Variants in ZNF469 observed in about 807,000 individuals in gnomAD.
The protein encoded by ZNF469 is zinc finger protein 469.
ZNF469 carries 1 observed loss-of-function variant against 1.0 expected under a neutral mutation model. The ratio of observed to expected loss-of-function variants is 1.00; its 90% CI spans 0.35 to 4.73. The LOEUF (loss-of-function observed/expected upper bound fraction) is 4.73. Ranked by LOEUF, ZNF469 falls within the 30% of genes most tolerant of loss-of-function variation. The pLI is 0.16. For synonymous variants in ZNF469, 2,703 were observed against 2,363.4 expected (o/e 1.14, Z -4.17); for missense variants, 6,100 against 5,356.3 (o/e 1.14, Z -4.33).
rs745853380 is a variant in ZNF469, at chr16:88,437,934, G to A, written c.10464G>A (p.Glu3488=). 6.5e-7 allele frequency: 1 copy of A among 1,541,880 alleles called. No homozygotes were observed. Among genetic ancestry groups the A allele is most frequent in the African/African-American group, 1.4e-5 (1 of 72,884 alleles). The part of the protein sequence containing the change: ...AMPGSAPGPG[E]DRPPPRGSSP... Reference sequence around the variant, plus strand: ...CCGGCAGTGCCCCTGGGCCCGGCGAGGACAGGCCTCCTCCCCGGGGAAGCA... The same window carrying A: ...CCGGCAGTGCCCCTGGGCCCGGCGAAGACAGGCCTCCTCCCCGGGGAAGCA... Residue 3488 remains glutamate, a synonymous_variant, in exon 3 of 3, where the codon GAG becomes GAA. Coordinates refer to ENST00000565624, the MANE Select transcript of ZNF469 (RefSeq NM_001367624.2).
rs1182687621 is a variant in ZNF469, at chr16:88,432,385, G to A, written c.4915G>A (p.Gly1639Ser). The A allele has an allele frequency of 6.5e-6, 10 of 1,549,134 alleles. No homozygotes were observed. The East Asian group carries it at 1.7e-4, about 27-fold the overall frequency. ...RVGESTAHRE[G>S]AESAVATVEA... ...TGGAGAATCCACTGCACATCGGGAGGGTGCGGAATCGGCTGTGGCCACCGT... is the reference window on the plus strand; with the variant it reads ...TGGAGAATCCACTGCACATCGGGAGAGTGCGGAATCGGCTGTGGCCACCGT... The change falls in exon 3 of 3, where the codon GGT (glycine) becomes AGT (serine). Residue 1639 changes from glycine to serine, a missense_variant. Gly to Ser is a moderately conservative substitution (Grantham distance 56). Transcript: ENST00000565624.
At chr16:88,381,270 A>G (rs1445475119), upstream of ZNF469, among the ~76,000 whole-genome samples, 1 of 149,906 alleles carries the variant, frequency 6.7e-6, no homozygotes, top group Non-Finnish European at 1.5e-5. Flanking sequence ...ACTCACACAG[A>G]CATGCACTCA....
At chr16:88,330,257 G>C in the ZNF469 span, among the ~76,000 whole-genome samples, 3 of 152,254 alleles carry the variant, frequency 2.0e-5, no homozygotes, top group Non-Finnish European at 4.4e-5. Flanking sequence ...TGAGTGTTGT[G>C]TGGGTGTCCT....
At chr16:88,146,372 C>G in the ZNF469 span, among the ~76,000 whole-genome samples, 1 of 152,274 alleles carries the variant, frequency 6.6e-6, no homozygotes, top group Admixed American at 6.5e-5. Flanking sequence ...TCAAAGCCAC[C>G]TGTGTTCTCT....
At position 88,435,044 on chromosome 16, in the gene ZNF469, C is replaced by G. The variant is rs756003807; in HGVS notation, c.7574C>G (p.Pro2525Arg). 1.3e-6 allele frequency: 2 copies of G among 1,550,276 alleles called. No individual in the cohort carries two copies. The highest frequency in any genetic ancestry group is 1.4e-5 in the African/African-American group (1 of 73,060). The change falls in exon 3 of 3, where the codon CCG (proline) becomes CGG (arginine). Residue 2525 changes from proline (P) to arginine (R), a missense_variant. Pro to Arg is a moderately radical substitution (Grantham distance 103). Transcript: ENST00000565624. ...GAGCCCCTAGCCCAAAAGTGCCAGC[C>G]GCCCAGGAAGAAAAGCCACAGGGTG... ...PLEPLAQKCQ[P>R]PRKKSHRVSG... is the part of the protein sequence containing the mutation.
the ZNF469 span, among the ~76,000 whole-genome samples, chr16:88,181,221 C>T: frequency 6.6e-5 from 10 of 152,292 alleles, no homozygotes; most frequent in African/African-American, 2.4e-4. Flanking sequence ...CAGGCGCCCG[C>T]CACCACGCCT....
the ZNF469 span, among the ~76,000 whole-genome samples, chr16:88,299,728 G>T: frequency 3.3e-5 from 5 of 152,140 alleles, no homozygotes; most frequent in Non-Finnish European, 7.4e-5. Context: ...ATTTGGGTGG[G>T]CTCTGCCTCT....
the ZNF469 span, among the ~76,000 whole-genome samples, chr16:88,373,870 G>A: frequency 2.0e-5 from 3 of 152,158 alleles, no homozygotes; most frequent in Admixed American, 6.5e-5. Flanking sequence ...GGTGGTGCAC[G>A]CCTGTAATCC....
rs113595052 is a variant in ZNF469, at chr16:88,415,215, C to T, written c.-191-9592C>T. Among the ~76,000 whole-genome samples the T allele has an allele frequency of 3.2e-3, 483 of 152,276 alleles. 4 individuals are homozygous for T. Among genetic ancestry groups the T allele is most frequent in the African/African-American group, 0.011 (450 of 41,544 alleles). ...ACCACCCGGAACATCAGGGACCCTCCGGGATCTCAGGATCTGTCAGGCCAG... is the reference window on the plus strand; with the variant it reads ...ACCACCCGGAACATCAGGGACCCTCTGGGATCTCAGGATCTGTCAGGCCAG... On this transcript the variant is annotated intron_variant, in intron 1 of 2. Coordinates refer to ENST00000565624, the MANE Select transcript of ZNF469 (RefSeq NM_001367624.2).
At chr16:88,407,466 C>G (rs1905054251) in intron 1 of ZNF469, among the ~76,000 whole-genome samples, 2 of 152,252 alleles carry the variant, frequency 1.3e-5, no homozygotes, top group Non-Finnish European at 2.9e-5. Context: ...TAATTGAGTA[C>G]CCTGCCTGAT....
chr16:88,233,042 A>G, the ZNF469 span, among the ~76,000 whole-genome samples: 4 of 152,286 alleles, frequency 2.6e-5, no homozygotes, highest in Admixed American at 2.0e-4. Flanking sequence ...GCGCTGGCTC[A>G]GCCTCCCACG....
Position 88,439,008 on chromosome 16 carries a change from G to C in ZNF469, c.11538G>C (p.Arg3846=). 1 of 1,550,312 alleles carries C rather than the reference G, an allele frequency of 6.5e-7. No homozygotes were observed. Among genetic ancestry groups the C allele is most frequent in the South Asian group, 1.2e-5 (1 of 84,060 alleles). The change falls in exon 3 of 3, where the codon CGG becomes CGC. Residue 3846 remains arginine, a synonymous_variant. Transcript: ENST00000565624. ...RAPSAPDKPP[R]TPRKQATPSR... ...CCTCAGCCCCTGACAAGCCCCCCCG[G>C]ACCCCTCGGAAGCAGGCAACTCCCA...
chr16:88,181,443 T>G, the ZNF469 span, among the ~76,000 whole-genome samples: 5 of 152,100 alleles, frequency 3.3e-5, no homozygotes, highest in African/African-American at 1.2e-4. Context: ...GTAAAACAGA[T>G]CTCAACAAAT....
chr16:88,214,259 C>T, the ZNF469 span, among the ~76,000 whole-genome samples: 3 of 152,286 alleles, frequency 2.0e-5, no homozygotes, highest in South Asian at 4.1e-4. Context: ...AGGGGTTTTC[C>T]GGTGATGACC....
the ZNF469 span, among the ~76,000 whole-genome samples, chr16:88,176,924 A>C: frequency 6.6e-6 from 1 of 152,218 alleles, no homozygotes; most frequent in Non-Finnish European, 1.5e-5. Flanking sequence ...CCCACCTTGA[A>C]AGTTTTGGCA....
At chr16:88,397,608 G>A (rs1251845191) in intron 1 of ZNF469, among the ~76,000 whole-genome samples, 3 of 147,420 alleles carry the variant, frequency 2.0e-5, no homozygotes, top group Admixed American at 6.7e-5. Context: ...ATGTGTGATG[G>A]ATGGATGGAT....
the ZNF469 span, among the ~76,000 whole-genome samples, chr16:88,115,457 A>T: frequency 0.023 from 3,445 of 151,992 alleles, 121 homozygotes; most frequent in African/African-American, 0.079. Context: ...AGCCTTGCAC[A>T]GTGCACATGA....
chr16:88,324,124 T>G, the ZNF469 span, among the ~76,000 whole-genome samples: 2 of 152,212 alleles, frequency 1.3e-5, no homozygotes, highest in African/African-American at 4.8e-5. Flanking sequence ...CAGGGGCCTG[T>G]GGTCAGCGCC....
intron 1 of ZNF469, among the ~76,000 whole-genome samples, chr16:88,410,879 G>C (rs1905139702): frequency 6.6e-6 from 1 of 152,114 alleles, no homozygotes; most frequent in East Asian, 1.9e-4. Flanking sequence ...CTCCTGCTCA[G>C]GCCCCTGGAG....
Sources: gnomAD v4.1 joint callset for allele counts (sites outside exome capture counted in the v4.1 genomes callset) on GRCh38, gnomAD v4.1.1 for gene constraint, MANE v1.5 for transcripts, NCBI Gene and HGNC (gene_info 2026-07-23, HGNC 2026-07-21) for gene names.